ST6GAL2: variants seen among roughly 807,000 people sequenced by gnomAD.
The protein encoded by ST6GAL2 is ST6 beta-galactoside alpha-2,6-sialyltransferase 2.
A neutral mutation model predicts 37.5 loss-of-function variants in ST6GAL2; 24 were observed. The observed-to-expected ratio is 0.64, with a 90% CI of 0.46 to 0.90. The LOEUF is 0.90. Among genes scored for constraint, ST6GAL2 ranks in the 40% least tolerant of loss-of-function variants. The pLI, the probability that ST6GAL2 is intolerant of heterozygous loss-of-function variation, is 0.00. For missense variants in ST6GAL2, 715 were observed against 712.7 expected (o/e 1.00, Z -0.04); for synonymous variants, 306 against 295.1 (o/e 1.04, Z -0.38).
chr2:106,834,328 G>A (rs1676546782), intron 2 of ST6GAL2, 182 bp from the exon 3 acceptor site: 2 of 573,814 alleles, frequency 3.5e-6, no homozygotes, highest in Non-Finnish European at 6.2e-6. Context: ...TTGGCTGGAG[G>A]AAACATCAAT....
rs772098783 is a variant in ST6GAL2 at position 106,843,021 on chromosome 2, C to G, written c.943+14G>C. 3 of 1,384,044 alleles carry G rather than the reference C, an allele frequency of 2.2e-6. No individual in the cohort carries two copies. Among genetic ancestry groups the G allele is most frequent in the East Asian group, 2.8e-5 (1 of 35,922 alleles). 85.7% of individuals were successfully genotyped at this position (1,384,044 alleles called of 1,614,324 possible). Reference sequence around the variant, plus strand: ...CTCAAGACAGGGCGACCTGGTCCCCCCGCTGAGACCTACCTATTTCCTCGC... The same window carrying G: ...CTCAAGACAGGGCGACCTGGTCCCCGCGCTGAGACCTACCTATTTCCTCGC... On this transcript the variant is annotated intron_variant, in intron 2 of 5. Coordinates refer to ENST00000409382, the MANE Select transcript of ST6GAL2 (RefSeq NM_001142351.2).
intron 4 of ST6GAL2, among the ~76,000 whole-genome samples, chr2:106,832,147 A>T (rs944020464): frequency 2.7e-4 from 41 of 152,224 alleles, no homozygotes; most frequent in Admixed American, 1.2e-3. Flanking sequence ...TTAAATAAAA[A>T]TGAGCTGTGG....
chr2:106,837,311 G>A (rs1219445518), intron 2 of ST6GAL2, among the ~76,000 whole-genome samples: 3 of 152,072 alleles, frequency 2.0e-5, no homozygotes, highest in South Asian at 2.1e-4. Flanking sequence ...TGAAAAACAC[G>A]TGTATTCAAA....
At chr2:106,831,874 T>A (rs767351665) in intron 4 of ST6GAL2, among the ~76,000 whole-genome samples, 3 of 152,174 alleles carry the variant, frequency 2.0e-5, no homozygotes, top group African/African-American at 4.8e-5. Flanking sequence ...ACTGACAGCA[T>A]CTCTTACTAG....
intron 1 of ST6GAL2, among the ~76,000 whole-genome samples, chr2:106,881,880 T>C (rs909292136): frequency 6.3e-4 from 96 of 152,354 alleles, no homozygotes; most frequent in African/African-American, 2.2e-3. Context: ...CTTTAGCCAA[T>C]GTATTTTTAA....
At chr2:106,835,338 C>T (rs13385087) in intron 2 of ST6GAL2, among the ~76,000 whole-genome samples, 52 of 152,294 alleles carry the variant, frequency 3.4e-4, no homozygotes, top group African/African-American at 1.2e-3. Flanking sequence ...CCGCCTTCTT[C>T]CCTGAGTTCC....
At chr2:106,867,091 A>T (rs372918451) in intron 1 of ST6GAL2, among the ~76,000 whole-genome samples, 2 of 152,152 alleles carry the variant, frequency 1.3e-5, no homozygotes, top group East Asian at 3.9e-4. Flanking sequence ...AAGCAGTGGG[A>T]AGGAAAGGGC....
At chr2:106,814,191 G>T (rs1160645046) in intron 5 of ST6GAL2, among the ~76,000 whole-genome samples, 4 of 152,006 alleles carry the variant, frequency 2.6e-5, no homozygotes, top group African/African-American at 9.7e-5. Context: ...ACACACTCAG[G>T]ATTCATTATT....
At chr2:106,836,290 T>C (rs1676633400) in intron 2 of ST6GAL2, among the ~76,000 whole-genome samples, 1 of 152,186 alleles carries the variant, frequency 6.6e-6, no homozygotes, top group South Asian at 2.1e-4. Flanking sequence ...TTGAAGTATA[T>C]GAAGGCTCAG....
At chr2:106,854,834 G>T (rs912059693) in intron 1 of ST6GAL2, among the ~76,000 whole-genome samples, 1 of 151,394 alleles carries the variant, frequency 6.6e-6, no homozygotes, top group Non-Finnish European at 1.5e-5. Flanking sequence ...AGTGGCTAAT[G>T]AAGTATTCTC....
In ST6GAL2 at chr2:106,832,950, CCTAG is replaced by C. The variant is rs146006906; in HGVS notation, c.1042-288_1042-285del. On this transcript the variant is annotated intron_variant, in intron 3 of 5. Coordinates refer to ENST00000409382, the MANE Select transcript of ST6GAL2 (RefSeq NM_001142351.2). ...ATCCAGATCCTGAACGATGCAACTCCCTAGCTAATTCAAGCCGCACAACCTCTTC... is the reference window on the plus strand; with the variant it reads ...ATCCAGATCCTGAACGATGCAACTCCCTAATTCAAGCCGCACAACCTCTTC... Among the ~76,000 whole-genome samples, 1,050 of 152,124 alleles carry C rather than the reference CCTAG, an allele frequency of 6.9e-3. 3 individuals are homozygous for C. The highest frequency in any genetic ancestry group is 0.011 in the Non-Finnish European group (734 of 68,000).
chr2:106,829,457 C>T (rs955101005), intron 5 of ST6GAL2, among the ~76,000 whole-genome samples: 8 of 152,224 alleles, frequency 5.3e-5, no homozygotes, highest in Non-Finnish European at 8.8e-5. Context: ...ACATGGTCAA[C>T]TGTCCCAGCT....
chr2:106,818,195 T>C (rs1337150081), intron 5 of ST6GAL2, among the ~76,000 whole-genome samples: 1 of 152,146 alleles, frequency 6.6e-6, no homozygotes, highest in Non-Finnish European at 1.5e-5. Flanking sequence ...CATTTGCTGA[T>C]TGTAGAGCCC....
rs1056743294 is a variant in ST6GAL2 at position 106,805,662 on chromosome 2, C to G, written c.*1016G>C. ...GGAGTTCCCACTGGCTGATAAAAAC[C>G]TGCAAGAAACCTGTATAATAAAGAC... On this transcript the variant is annotated 3_prime_UTR_variant, in exon 6 of 6. Coordinates refer to ENST00000409382, the MANE Select transcript of ST6GAL2 (RefSeq NM_001142351.2). The G allele has an allele frequency of 3.9e-5, 6 of 152,186 alleles. No homozygotes were observed. Among genetic ancestry groups the G allele is most frequent in the African/African-American group, 1.4e-4 (6 of 41,446 alleles). The allele number at this position is 152,186 out of a possible 1,614,324, so 9.4% of individuals were successfully genotyped here. A position where few individuals can be genotyped will look rare whatever the true frequency, so the allele number is the denominator to read the frequency against.
At chr2:106,873,336 T>G (rs17033439) in intron 1 of ST6GAL2, among the ~76,000 whole-genome samples, 102,198 of 152,024 alleles carry the variant, frequency 0.67, 34,750 homozygotes, top group Non-Finnish European at 0.74. Context: ...GCATTTATAA[T>G]TCTTCATGGA....
intron 1 of ST6GAL2, among the ~76,000 whole-genome samples, chr2:106,879,900 C>T (rs144525610): frequency 6.8e-6 from 1 of 146,518 alleles, no homozygotes; most frequent in Admixed American, 6.9e-5. Flanking sequence ...ACATATAGAC[C>T]AATTATATAC....
At chr2:106,860,420 G>A (rs951473290) in intron 1 of ST6GAL2, among the ~76,000 whole-genome samples, 1 of 152,126 alleles carries the variant, frequency 6.6e-6, no homozygotes, top group Admixed American at 6.5e-5. Flanking sequence ...TTTCAATGGG[G>A]GAGCCTGGGA....
At chr2:106,837,006 A>G (rs1345949376) in intron 2 of ST6GAL2, among the ~76,000 whole-genome samples, 1 of 151,390 alleles carries the variant, frequency 6.6e-6, no homozygotes, top group Non-Finnish European at 1.5e-5. Context: ...GGAGTTCCCC[A>G]GTTTTTAAAG....
chr2:106,817,734 T>A (rs1257419615), intron 5 of ST6GAL2, among the ~76,000 whole-genome samples: 2 of 152,056 alleles, frequency 1.3e-5, no homozygotes, highest in Non-Finnish European at 2.9e-5. Context: ...AGGTACCAGC[T>A]TGGGCAAAGT....
Sources: gnomAD v4.1 joint callset for allele counts (sites outside exome capture counted in the v4.1 genomes callset) on GRCh38, gnomAD v4.1.1 for gene constraint, MANE v1.5 for transcripts, NCBI Gene and HGNC (gene_info 2026-07-23, HGNC 2026-07-21) for gene names.